COL24A1: variants seen among roughly 807,000 people sequenced by gnomAD.
COL24A1 encodes collagen type XXIV alpha 1 chain.
In COL24A1, 224 loss-of-function variants were observed where a neutral mutation model predicts 253.9. The observed-to-expected ratio is 0.88, with a 90% confidence interval of 0.79 to 0.99. The LOEUF is 0.99. COL24A1 is among the 50% of genes least tolerant of loss of function. COL24A1 has a pLI of 0.00. For missense variants in COL24A1, 2,131 were observed against 2,068.5 expected (o/e 1.03, Z -0.59); for synonymous variants, 685 against 673.7 (o/e 1.02, Z -0.26).
At chr1:86,114,662 A>C (rs1426260460) in intron 4 of COL24A1, among the ~76,000 whole-genome samples, 1 of 152,148 alleles carries the variant, frequency 6.6e-6, no homozygotes, top group East Asian at 1.9e-4. Flanking sequence ...TTTTAGAGTA[A>C]TTTTTCTTTA....
intron 52 of COL24A1, among the ~76,000 whole-genome samples, chr1:85,778,664 G>T (rs1275043102): frequency 6.7e-6 from 1 of 148,154 alleles, no homozygotes. Flanking sequence ...GAGTGCAATG[G>T]CATGATCTTG....
chr1:86,113,312 C>A (rs1705800734), intron 4 of COL24A1, among the ~76,000 whole-genome samples: 1 of 152,172 alleles, frequency 6.6e-6, no homozygotes, highest in Non-Finnish European at 1.5e-5. Context: ...GAACAGATCA[C>A]CCTCTCCAAG....
chr1:86,142,139 C>A (rs752084381), intron 2 of COL24A1, among the ~76,000 whole-genome samples: 1 of 151,838 alleles, frequency 6.6e-6, no homozygotes, highest in Non-Finnish European at 1.5e-5. Flanking sequence ...TCATTCTTAT[C>A]CTTACAGAGA....
At chr1:85,958,485 G>A (rs1420761697) in intron 24 of COL24A1, among the ~76,000 whole-genome samples, 1 of 152,068 alleles carries the variant, frequency 6.6e-6, no homozygotes, top group Non-Finnish European at 1.5e-5. Context: ...GTTTAAAAAT[G>A]TGCCTGCTAT....
chr1:85,774,184 G>A (rs1042310431), intron 53 of COL24A1, among the ~76,000 whole-genome samples: 14 of 152,104 alleles, frequency 9.2e-5, no homozygotes, highest in African/African-American at 2.9e-4. Flanking sequence ...ATTAATTTGC[G>A]TATGTTGAAC....
chr1:86,030,142 A>G (rs983343600), intron 14 of COL24A1: 1 of 152,268 alleles, frequency 6.6e-6, no homozygotes, highest in Non-Finnish European at 1.5e-5. Flanking sequence ...AACAAAAGAA[A>G]AAAAAACCCA....
chr1:85,818,368 G>A lies in COL24A1; in HGVS notation c.3790-281C>T, dbSNP rs530280813. ...GACCTGAATAGATTATTTAATAAATGTCCCTACTTTCAGGAAGGGCCTTGA... is the reference window on the plus strand; with the variant it reads ...GACCTGAATAGATTATTTAATAAATATCCCTACTTTCAGGAAGGGCCTTGA... On this transcript the variant is annotated intron_variant, in intron 45 of 59. Transcript: ENST00000370571. 6.6e-5 allele frequency among the ~76,000 whole-genome samples: 10 copies of A among 152,230 alleles called. No individual in the cohort carries two copies. The South Asian group carries it at 1.5e-3, about 22-fold the overall frequency.
chr1:85,771,318 T>C (rs970719564), intron 53 of COL24A1, among the ~76,000 whole-genome samples: 1 of 152,112 alleles, frequency 6.6e-6, no homozygotes, highest in African/African-American at 2.4e-5. Flanking sequence ...GTTCTCATTT[T>C]TCAACTCCCA....
At chr1:85,821,654 G>T (rs1461838515) in intron 45 of COL24A1, among the ~76,000 whole-genome samples, 1 of 152,072 alleles carries the variant, frequency 6.6e-6, no homozygotes, top group Non-Finnish European at 1.5e-5. Context: ...ATGTGCCCTT[G>T]GGTTGTATGC....
rs1697706026 is a variant in COL24A1 at position 86,023,092 on chromosome 1, C to A, written c.2050-85G>T. ...GTGGCAGAATTAATAAATTAATGAA[C>A]CCAAAACAGCCAACTCACTAAGCTC... On this transcript the variant is annotated intron_variant, in intron 14 of 59. Coordinates refer to ENST00000370571, the MANE Select transcript of COL24A1 (RefSeq NM_152890.7). 3.3e-6 allele frequency: 4 copies of A among 1,228,102 alleles called. No homozygotes were observed. The Admixed American group carries it at 8.2e-5, about 25-fold the overall frequency. 76.1% of individuals were successfully genotyped at this position (1,228,102 alleles called of 1,614,324 possible). A position where few individuals can be genotyped will look rare whatever the true frequency, so the allele number is the denominator to read the frequency against.
rs559804382 is a variant in COL24A1, at chr1:86,125,321, T to C, written c.1015A>G (p.Thr339Ala). Residue 339 changes from threonine to alanine, a missense_variant, in exon 3 of 60, where the codon ACT becomes GCT. Transcript: ENST00000370571. The stretch of plus-strand genomic sequence containing the variant: ...AAATTTGTCTGAGTATCTTCCTCAG[T>C]GATCATTTCTTTGGCCTGAATCCCA... ...NHGIQAKEMI[T>A]EEDTQTNFSL... 2 of 1,613,662 alleles carry C rather than the reference T, an allele frequency of 1.2e-6. No individual in the cohort carries two copies. Among genetic ancestry groups the C allele is most frequent in the Non-Finnish European group, 1.7e-6 (2 of 1,179,790 alleles).
chr1:86,126,536 G>T (rs1648329673), intron 2 of COL24A1, among the ~76,000 whole-genome samples: 1 of 152,022 alleles, frequency 6.6e-6, no homozygotes, highest in Admixed American at 6.6e-5. Context: ...GCAGCAGCAT[G>T]ATTATAGCTC....
At chr1:86,130,726 T>C (rs1176135704) in intron 2 of COL24A1, among the ~76,000 whole-genome samples, 1 of 152,044 alleles carries the variant, frequency 6.6e-6, no homozygotes, top group Non-Finnish European at 1.5e-5. Context: ...AATTCCCAGC[T>C]TCTTCAGATA....
chr1:86,126,234 A>G lies in COL24A1; in HGVS notation c.122-20T>C, dbSNP rs1648283732. ...CTATGCCTGGAAATTTAAAAAAGAG[A>G]GAGAGAAAGAATCTTAATTTTATGG... On this transcript the variant is annotated intron_variant, in intron 2 of 59. Transcript: ENST00000370571. The G allele has an allele frequency of 6.4e-7, 1 of 1,551,942 alleles. No homozygotes were observed. Among genetic ancestry groups the G allele is most frequent in the African/African-American group, 1.4e-5 (1 of 72,686 alleles).
chr1:85,860,633 C>T (rs111771703), intron 37 of COL24A1, among the ~76,000 whole-genome samples: 95 of 152,052 alleles, frequency 6.2e-4, no homozygotes, highest in Admixed American at 5.2e-4. Context: ...TCCAGCTACT[C>T]GGGAGGCTGA....
intron 7 of COL24A1, among the ~76,000 whole-genome samples, chr1:86,075,253 AC>A (rs1292051029): frequency 6.6e-6 from 1 of 152,210 alleles, no homozygotes; most frequent in Non-Finnish European, 1.5e-5. Flanking sequence ...ATCAGAGAAT[AC>A]TATAAACACC....
chr1:86,120,778 C>A (rs1187866179), intron 3 of COL24A1, among the ~76,000 whole-genome samples: 1 of 152,132 alleles, frequency 6.6e-6, no homozygotes, highest in Non-Finnish European at 1.5e-5. Context: ...TTGACCCAGC[C>A]ATCCCATTAC....
At chr1:85,948,833 A>C (rs2100557197) in intron 24 of COL24A1, among the ~76,000 whole-genome samples, 1 of 151,592 alleles carries the variant, frequency 6.6e-6, no homozygotes, top group Non-Finnish European at 1.5e-5. Context: ...TAGAACTTAA[A>C]GTATAATAAA....
chr1:86,124,335 G>A (rs1308452647), intron 3 of COL24A1, among the ~76,000 whole-genome samples: 2 of 151,634 alleles, frequency 1.3e-5, no homozygotes, highest in South Asian at 2.1e-4. Context: ...GACAGTCAAC[G>A]ATTCATTACA....
Sources: allele counts gnomAD v4.1 joint callset (sites outside exome capture counted in the v4.1 genomes callset), GRCh38; gene constraint gnomAD v4.1.1; transcripts MANE v1.5; gene names NCBI Gene and HGNC (gene_info 2026-07-23, HGNC 2026-07-21).